Variants in METTL25 observed in about 807,000 individuals in gnomAD.
METTL25 encodes probable methyltransferase-like protein 25.
A neutral mutation model predicts 71.6 loss-of-function variants in METTL25; 64 were observed. That is an observed-to-expected ratio of 0.89 (90% CI 0.73 to 1.10). METTL25 has a LOEUF of 1.10. Among genes scored for constraint, METTL25 ranks in the 50% least tolerant of loss-of-function variants. The pLI is 0.00. For missense variants in METTL25, 807 were observed against 707.0 expected, an observed-to-expected ratio of 1.14 and a Z score of -1.60; for synonymous variants, 287 against 250.3, an observed-to-expected ratio of 1.15 and a Z score of -1.38.
At chr12:82,362,661 T>A (rs1278970919) in intron 1 of METTL25, among the ~76,000 whole-genome samples, 4 of 152,154 alleles carry the variant, frequency 2.6e-5, no homozygotes, top group African/African-American at 9.7e-5. Context: ...CTTTGAGAAT[T>A]TTGTGTGGTG....
intron 11 of METTL25, among the ~76,000 whole-genome samples, chr12:82,478,724 C>A (rs1215125100): frequency 1.3e-5 from 2 of 151,904 alleles, no homozygotes; most frequent in Non-Finnish European, 2.9e-5. Context: ...ACTTGTAATT[C>A]ACTCTCTATG....
intron 4 of METTL25, 28 bp from the exon 5 acceptor site, chr12:82,402,955 A>C (rs747439094): frequency 7.7e-6 from 12 of 1,550,510 alleles, no homozygotes; most frequent in Non-Finnish European, 1.0e-5. Flanking sequence ...TAATTACCAA[A>C]TTTTATTTTT....
chr12:82,423,967 A>T (rs930417248), intron 5 of METTL25, among the ~76,000 whole-genome samples: 4 of 152,200 alleles, frequency 2.6e-5, no homozygotes, highest in Non-Finnish European at 5.9e-5. Context: ...CCATTGTGGA[A>T]GACAGTGTGG....
chr12:82,456,658 T>C (rs2137255219), intron 8 of METTL25, 69 bp from the exon 9 acceptor site: 1 of 786,644 alleles, frequency 1.3e-6, no homozygotes, highest in South Asian at 1.9e-5. Flanking sequence ...AAATATTTCA[T>C]GATTGAAATT....
At chr12:82,389,147 G>A (rs1268047189) in intron 2 of METTL25, among the ~76,000 whole-genome samples, 1 of 152,000 alleles carries the variant, frequency 6.6e-6, no homozygotes, top group African/African-American at 2.4e-5. Context: ...TTTATAATGT[G>A]TAGCATACAG....
rs1187993966 is a variant in METTL25, at chr12:82,424,182, C to T, written c.1280-6711C>T. Among the ~76,000 whole-genome samples the T allele has an allele frequency of 8.5e-5, 13 of 152,130 alleles. No homozygotes were observed. The East Asian group carries it at 1.5e-3, about 18-fold the overall frequency. ...CTGGATTAAGAAAATGTGGCACATACACACCATGGAATACTCTGCAGCCAT... is the reference window on the plus strand; with the variant it reads ...CTGGATTAAGAAAATGTGGCACATATACACCATGGAATACTCTGCAGCCAT... On this transcript the variant is annotated intron_variant, in intron 5 of 11. Transcript: ENST00000248306.
chr12:82,361,843 G>A (rs1881970937), intron 1 of METTL25, among the ~76,000 whole-genome samples: 1 of 152,142 alleles, frequency 6.6e-6, no homozygotes, highest in Non-Finnish European at 1.5e-5. Flanking sequence ...CTCCAGCCTC[G>A]GCCAGCCTAG....
At chr12:82,474,911 A>G (rs1299904403) in intron 9 of METTL25, among the ~76,000 whole-genome samples, 1 of 152,178 alleles carries the variant, frequency 6.6e-6, no homozygotes, top group Non-Finnish European at 1.5e-5. Context: ...TGAAGGTAAA[A>G]GAGGGATGCA....
chr12:82,366,575 A>AT lies in METTL25; in HGVS notation c.259+7763dup, dbSNP rs755507690. ...TTATTCTTTTATCAAGCTTGTCTTT[A>AT]TTTTTTTTTTTTGCATCTTAATAAA... On this transcript the variant is annotated intron_variant, in intron 1 of 11. Coordinates refer to ENST00000248306, the MANE Select transcript of METTL25 (RefSeq NM_032230.3). 6.8e-3 allele frequency among the ~76,000 whole-genome samples: 871 copies of AT among 127,472 alleles called. 6 individuals are homozygous for AT. Among genetic ancestry groups the AT allele is most frequent in the African/African-American group, 0.015 (580 of 37,740 alleles). 83.6% of individuals were successfully genotyped at this position (127,472 alleles called of 152,430 possible).
chr12:82,394,401 G>A (rs892819756), intron 3 of METTL25, among the ~76,000 whole-genome samples: 7 of 151,960 alleles, frequency 4.6e-5, no homozygotes, highest in Non-Finnish European at 7.4e-5. Flanking sequence ...TGACCATAGA[G>A]AACTAAACAA....
chr12:82,410,697 G>A (rs949108989), intron 5 of METTL25, among the ~76,000 whole-genome samples: 2 of 152,016 alleles, frequency 1.3e-5, no homozygotes, highest in African/African-American at 2.4e-5. Context: ...GAAGAGGGAG[G>A]AAGAGGAGTT....
intron 3 of METTL25, among the ~76,000 whole-genome samples, chr12:82,394,581 C>T (rs576200127): frequency 6.6e-6 from 1 of 152,042 alleles, no homozygotes; most frequent in South Asian, 2.1e-4. Flanking sequence ...AACCATGTTC[C>T]AGGCATTATT....
At chr12:82,382,422 T>A (rs1884526058) in intron 1 of METTL25, among the ~76,000 whole-genome samples, 1 of 152,230 alleles carries the variant, frequency 6.6e-6, no homozygotes, top group African/African-American at 2.4e-5. Flanking sequence ...CCTGAGATTA[T>A]AAACATTCCC....
chr12:82,386,909 A>G lies in METTL25; in HGVS notation c.366A>G (p.Ile122Met), dbSNP rs751774509. The change falls in exon 2 of 12, where the codon ATA (isoleucine) becomes ATG (methionine). Residue 122 changes from isoleucine (I) to methionine (M), a missense_variant. Ile to Met is a conservative substitution (Grantham distance 10). Transcript: ENST00000248306. Reference sequence around the variant, plus strand: ...ACTATTCTGTACAAAACTTGGGAATATGTACTCCTTTTGAACAGTTGCTTG... The same window carrying G: ...ACTATTCTGTACAAAACTTGGGAATGTGTACTCCTTTTGAACAGTTGCTTG... Reference protein sequence around the residue: ...AKYYSVQNLGICTPFEQLLVA... With the variant: ...AKYYSVQNLGMCTPFEQLLVA... The G allele has an allele frequency of 1.9e-5, 30 of 1,613,392 alleles. No individual in the cohort carries two copies. Among genetic ancestry groups the G allele is most frequent in the Non-Finnish European group, 2.4e-5 (28 of 1,179,644 alleles).
rs558196978 is a variant in METTL25, at chr12:82,375,240, A to G, written c.260-11563A>G. ...GGTATTAAGAAGTAGGACCTTTAGT[A>G]GGTGATTGAGTCATGAGGGTGGAGC... On this transcript the variant is annotated intron_variant, in intron 1 of 11. Coordinates refer to ENST00000248306, the MANE Select transcript of METTL25 (RefSeq NM_032230.3). Among the ~76,000 whole-genome samples, 3 of 152,212 alleles carry G rather than the reference A, an allele frequency of 2.0e-5. No homozygotes were observed. The East Asian group carries it at 5.8e-4, about 29-fold the overall frequency.
At chr12:82,473,899 A>G (rs1807110537) in intron 9 of METTL25, among the ~76,000 whole-genome samples, 1 of 152,130 alleles carries the variant, frequency 6.6e-6, no homozygotes, top group Non-Finnish European at 1.5e-5. Flanking sequence ...TCAGCCACCC[A>G]TATGGGCTTG....
intron 5 of METTL25, among the ~76,000 whole-genome samples, chr12:82,424,345 T>A (rs1482508158): frequency 2.0e-5 from 3 of 151,674 alleles, no homozygotes; most frequent in Non-Finnish European, 4.4e-5. Flanking sequence ...TTGAGAACAC[T>A]TGGACACAGG....
At chr12:82,461,373 C>T (rs952204853) in intron 9 of METTL25, among the ~76,000 whole-genome samples, 1 of 152,044 alleles carries the variant, frequency 6.6e-6, no homozygotes, top group African/African-American at 2.4e-5. Context: ...TAAGGATGGC[C>T]TTATGAAATA....
rs372101646 is a variant in METTL25 at position 82,445,012 on chromosome 12, A to C, written c.1478+6221A>C. 3.3e-5 allele frequency among the ~76,000 whole-genome samples: 5 copies of C among 152,204 alleles called. No homozygotes were observed. The East Asian group carries it at 7.7e-4, about 23-fold the overall frequency. ...TAACAGCAAAGTGTATAACATGTAC[A>C]TCAAGAAAAGTAGAAAAACTTGAGA... On this transcript the variant is annotated intron_variant, in intron 8 of 11. Transcript: ENST00000248306.
Sources: allele counts gnomAD v4.1 joint callset (sites outside exome capture counted in the v4.1 genomes callset), GRCh38; gene constraint gnomAD v4.1.1; transcripts MANE v1.5; gene names NCBI Gene and HGNC (gene_info 2026-07-23, HGNC 2026-07-21).